Variants in CHST3 observed in about 807,000 individuals in gnomAD.
The protein encoded by CHST3 is carbohydrate sulfotransferase 3.
CHST3 carries 20 observed loss-of-function variants against 35.4 expected under a neutral mutation model. The ratio of observed to expected loss-of-function variants is 0.57; its 90% CI spans 0.40 to 0.82. The LOEUF is 0.82. CHST3 is among the 40% of genes least tolerant of loss of function. The probability of loss-of-function intolerance (pLI) is 0.00; values close to 1 mark genes in which losing one functional copy is unlikely to be tolerated. For missense variants in CHST3, 693 were observed against 670.1 expected (o/e 1.03, Z -0.38); for synonymous variants, 334 against 295.9 (o/e 1.13, Z -1.32).
rs1394527887 is a variant in CHST3 at position 72,007,191 on chromosome 10, C to A, written c.160C>A (p.Gln54Lys). ...IISRVSDKLK[Q>K]IPQALADANS... ...TCACAGGGTCTCAGACAAGCTGAAG[C>A]AGATTCCCCAAGCTCTAGCAGATGC... The change falls in exon 3 of 3, where the codon CAG becomes AAG. Residue 54 changes from glutamine (Q) to lysine (K), a missense_variant. Coordinates refer to ENST00000373115, the MANE Select transcript of CHST3 (RefSeq NM_004273.5). The A allele has an allele frequency of 6.2e-7, 1 of 1,614,176 alleles. No homozygotes were observed. The highest frequency in any genetic ancestry group is 2.2e-5 in the East Asian group (1 of 44,888).
chr10:71,977,303 C>A (rs1394511496), intron 1 of CHST3, among the ~76,000 whole-genome samples: 1 of 152,224 alleles, frequency 6.6e-6, no homozygotes, highest in African/African-American at 2.4e-5. Flanking sequence ...CCCTGGCCTC[C>A]CAGCTGCCCC....
Position 72,007,518 on chromosome 10 carries a change from G to T in CHST3, c.487G>T (p.Glu163Ter). 1 of 1,603,420 alleles carries T rather than the reference G, an allele frequency of 6.2e-7. No homozygotes were observed. Among genetic ancestry groups the T allele is most frequent in the Non-Finnish European group, 8.5e-7 (1 of 1,179,768 alleles). ...GCAGGGCAACATCTTCTACCTCTTC[G>T]AGCCGCTGTGGCACATCGAGCGCAC... Reference protein sequence around the residue: ...NQQGNIFYLFEPLWHIERTVS... With the variant: ...NQQGNIFYLF Residue 163 changes from glutamate (E) to a stop codon, truncating the protein, a stop_gained, in exon 3 of 3, where the codon GAG becomes TAG. Coordinates refer to ENST00000373115, the MANE Select transcript of CHST3 (RefSeq NM_004273.5). LOFTEE classifies it high-confidence loss of function.
intron 1 of CHST3, among the ~76,000 whole-genome samples, chr10:71,991,422 G>A (rs1244112809): frequency 6.6e-6 from 1 of 152,126 alleles, no homozygotes; most frequent in African/African-American, 2.4e-5. Context: ...ATATTCATAG[G>A]GGATTATGTT....
At chr10:71,976,731 G>A (rs1839749024) in intron 1 of CHST3, among the ~76,000 whole-genome samples, 1 of 152,176 alleles carries the variant, frequency 6.6e-6, no homozygotes, top group Admixed American at 6.5e-5. Context: ...TTCTGTGATA[G>A]GATTTGTCCT....
At chr10:71,983,330 A>C (rs1589500515) in intron 1 of CHST3, among the ~76,000 whole-genome samples, 1 of 152,196 alleles carries the variant, frequency 6.6e-6, no homozygotes. Context: ...CTTGTCACCC[A>C]CAGCCAGTGA....
intron 1 of CHST3, 41 bp from the exon 2 acceptor site, chr10:72,005,695 G>A (rs553991938): frequency 7.1e-5 from 67 of 944,030 alleles, no homozygotes; most frequent in African/African-American, 5.7e-4. Context: ...TGCATTCCTC[G>A]TGTACAGACA....
Position 71,985,299 on chromosome 10 carries a change from G to A in CHST3, c.-107-20437G>A, listed in dbSNP as rs149243084. On this transcript the variant is annotated intron_variant, in intron 1 of 2. Transcript: ENST00000373115. ...TCACTGCCTGCAGCCGCTAGTCCCA[G>A]CTCCCCTCCTTACCAGAACCCACAC... 1.4e-3 allele frequency among the ~76,000 whole-genome samples: 220 copies of A among 152,334 alleles called. 5 individuals carry two copies. In the East Asian group the frequency reaches 0.032, roughly 22 times the overall value.
At chr10:71,993,113 C>T (rs527475677) in intron 1 of CHST3, among the ~76,000 whole-genome samples, 1 of 152,296 alleles carries the variant, frequency 6.6e-6, no homozygotes, top group East Asian at 1.9e-4. Context: ...TTTCTCATCA[C>T]ATATCGTTAG....
chr10:72,005,461 C>T (rs1840029288), intron 1 of CHST3, among the ~76,000 whole-genome samples: 1 of 152,218 alleles, frequency 6.6e-6, no homozygotes. Context: ...AACATTTATG[C>T]TACAAAGGTT....
intron 1 of CHST3, among the ~76,000 whole-genome samples, chr10:71,965,778 G>T (rs1839626981): frequency 2.6e-5 from 4 of 152,142 alleles, no homozygotes; most frequent in South Asian, 4.1e-4. Context: ...GCCTCTGCTG[G>T]GTTGAAATTG....
At chr10:71,968,433 G>A (rs1455942585) in intron 1 of CHST3, among the ~76,000 whole-genome samples, 1 of 152,132 alleles carries the variant, frequency 6.6e-6, no homozygotes. Flanking sequence ...CTGTTCTGTA[G>A]GTTGTCTGTT....
chr10:71,972,506 G>T (rs1329289186), intron 1 of CHST3, among the ~76,000 whole-genome samples: 2 of 152,130 alleles, frequency 1.3e-5, no homozygotes, highest in African/African-American at 4.8e-5. Context: ...TCTTTTGCCC[G>T]CTCTGCTGAT....
chr10:71,997,076 G>A (rs80149273), intron 1 of CHST3, among the ~76,000 whole-genome samples: 18,710 of 152,026 alleles, frequency 0.12, 1,148 homozygotes, highest in Admixed American at 0.16. Flanking sequence ...AAAATTGACC[G>A]TTTTAACTAT....
chr10:72,007,006 A>G (rs767093017), intron 2 of CHST3, among the ~76,000 whole-genome samples, 166 bp from the exon 3 acceptor site: 44 of 152,182 alleles, frequency 2.9e-4, no homozygotes, highest in Non-Finnish European at 5.3e-4. Context: ...TCCTGTGATC[A>G]TGTCCCAAAT....
chr10:71,991,882 C>T (rs1029390625), intron 1 of CHST3, among the ~76,000 whole-genome samples: 3 of 151,190 alleles, frequency 2.0e-5, no homozygotes, highest in Admixed American at 6.6e-5. Context: ...TGCAGTGAGC[C>T]GAGATACATG....
In CHST3 at chr10:72,008,732, T is replaced by C. The variant is rs1301317247; in HGVS notation, c.*261T>C. On this transcript the variant is annotated 3_prime_UTR_variant, in exon 3 of 3. Transcript: ENST00000373115. The stretch of plus-strand genomic sequence containing the variant: ...GAGCAGGCCTAGGCAGGCCCGGGCC[T>C]GTTGGCAAGCTTCGATCTCACACAC... The C allele has an allele frequency of 7.8e-6, 4 of 510,622 alleles. No homozygotes were observed. The highest frequency in any genetic ancestry group is 1.3e-5 in the Non-Finnish European group (4 of 313,794). The allele number at this position is 510,622 out of a possible 1,614,324, so 31.6% of individuals were successfully genotyped here.
intron 2 of CHST3, among the ~76,000 whole-genome samples, chr10:72,006,940 C>G (rs567689829): frequency 2.4e-4 from 36 of 152,372 alleles, no homozygotes; most frequent in African/African-American, 7.0e-4. Flanking sequence ...CTGCTCCTAG[C>G]AGCACATCCA....
At position 72,007,515 on chromosome 10, in the gene CHST3, T is replaced by C. The variant is rs1840053805; in HGVS notation, c.484T>C (p.Phe162Leu). 2 of 1,602,472 alleles carry C rather than the reference T, an allele frequency of 1.2e-6. No homozygotes were observed. The highest frequency in any genetic ancestry group is 1.3e-5 in the African/African-American group (1 of 74,928). ...CCAGCAGGGCAACATCTTCTACCTC[T>C]TCGAGCCGCTGTGGCACATCGAGCG... is the stretch of plus-strand genomic sequence containing the variant. The part of the protein sequence containing the change: ...FNQQGNIFYL[F>L]EPLWHIERTV... The change falls in exon 3 of 3, where the codon TTC becomes CTC. Residue 162 changes from phenylalanine to leucine, a missense_variant. Transcript: ENST00000373115.
intron 1 of CHST3, among the ~76,000 whole-genome samples, chr10:71,987,712 C>A (rs1164297366): frequency 1.8e-4 from 5 of 27,632 alleles, no homozygotes; most frequent in Non-Finnish European, 3.7e-4. Context: ...GTGAGACTGT[C>A]TCAAAAAAAA....
Sources: allele counts gnomAD v4.1 joint callset (sites outside exome capture counted in the v4.1 genomes callset), GRCh38; gene constraint gnomAD v4.1.1; transcripts MANE v1.5; gene names NCBI Gene and HGNC (gene_info 2026-07-23, HGNC 2026-07-21).